The following TIMM10B variants were observed in gnomAD, a reference collection of about 807,000 sequenced individuals.
The protein encoded by TIMM10B is mitochondrial import inner membrane translocase subunit Tim10 B.
Under a neutral mutation model 12.6 loss-of-function variants are expected in TIMM10B, and 17 were observed. The ratio of observed to expected loss-of-function variants is 1.35; its 90% CI spans 0.92 to 2.03. TIMM10B has a LOEUF of 2.03. TIMM10B is among the 30% of genes most tolerant of loss of function. The pLI is 0.00. For missense variants in TIMM10B, 165 were observed against 133.3 expected (o/e 1.24, Z -1.17); for synonymous variants, 63 against 51.3 (o/e 1.23, Z -0.97).
Position 6,482,167 on chromosome 11 carries a change from G to C in TIMM10B, c.258G>C (p.Ser86=), listed in dbSNP as rs114080127. Residue 86 remains serine (S), a synonymous_variant, in exon 3 of 3, where the codon TCG becomes TCC. Transcript: ENST00000254616. ...GCATCGCAGACTACGAGGCTGCCTC[G>C]GCTGTGCCAGGCGTTGCTGCTGAAC... ...QRRIADYEAA[S]AVPGVAAEQP... The C allele has an allele frequency of 2.5e-4, 407 of 1,611,262 alleles. 2 individuals are homozygous for C. The East Asian group carries it at 6.0e-3, about 24-fold the overall frequency.
In TIMM10B at chr11:6,483,807, A is replaced by G. The variant is rs1373486496; in HGVS notation, c.*1586A>G. The G allele has an allele frequency of 6.6e-6, 1 of 152,240 alleles. No individual in the cohort carries two copies. The highest frequency in any genetic ancestry group is 1.5e-5 in the Non-Finnish European group (1 of 68,048). 9.4% of individuals were successfully genotyped at this position (152,240 alleles called of 1,614,324 possible). A position where few individuals can be genotyped will look rare whatever the true frequency, so the allele number is the denominator to read the frequency against. On this transcript the variant is annotated 3_prime_UTR_variant, in exon 3 of 3. Transcript: ENST00000254616. The stretch of plus-strand genomic sequence containing the variant: ...AAAGCAGATGTTCTATCCTATCTAC[A>G]GAGCAGAAAATTGAAATTCTCAAGT...
rs369514312 is a variant in TIMM10B at position 6,482,032 on chromosome 11, A to G, written c.136-13A>G. ...CACCTTTATCCTCCACTTAAACCCTATCTTCCTTCTAGGAGGCCTGTCTGC... is the reference window on the plus strand; with the variant it reads ...CACCTTTATCCTCCACTTAAACCCTGTCTTCCTTCTAGGAGGCCTGTCTGC... On this transcript the variant is annotated splice_polypyrimidine_tract_variant and intron_variant, in intron 2 of 2. Coordinates refer to ENST00000254616, the MANE Select transcript of TIMM10B (RefSeq NM_012192.4). The G allele has an allele frequency of 1.2e-4, 193 of 1,608,670 alleles. No individual in the cohort carries two copies. The highest frequency in any genetic ancestry group is 1.5e-4 in the Non-Finnish European group (175 of 1,175,912).
Position 6,483,357 on chromosome 11 carries a change from CG to C in TIMM10B, c.*1137del, listed in dbSNP as rs1478665326. 2 of 152,094 alleles carry C rather than the reference CG, an allele frequency of 1.3e-5. No homozygotes were observed. The highest frequency in any genetic ancestry group is 3.9e-4 in the East Asian group (2 of 5,188). The allele number at this position is 152,094 out of a possible 1,614,324, so 9.4% of individuals were successfully genotyped here. Reference sequence around the variant, plus strand: ...ATTCTTTTCTCATTATTGCCTCCCCCGCCCCCCAACTTTGTGTAATTTACTT... The same window carrying C: ...ATTCTTTTCTCATTATTGCCTCCCCCCCCCCCAACTTTGTGTAATTTACTT... On this transcript the variant is annotated 3_prime_UTR_variant, in exon 3 of 3. Transcript: ENST00000254616.
rs1564986564 is a variant in TIMM10B at position 6,481,557 on chromosome 11, T to A, written c.39+2T>A. ...CAGCAGCAACAGCAACTGCGAAACG[T>A]AAGTGAGAACTAAGTCGTTTCGAGG... On this transcript the variant is annotated splice_donor_variant, in intron 1 of 2. Transcript: ENST00000254616. LOFTEE classifies it high-confidence loss of function. 6.2e-7 allele frequency: 1 copy of A among 1,606,340 alleles called. No homozygotes were observed. The highest frequency in any genetic ancestry group is 8.5e-7 in the Non-Finnish European group (1 of 1,176,908).
In TIMM10B at chr11:6,482,396, T is replaced by G. The variant is rs1851829972; in HGVS notation, c.*175T>G. The G allele has an allele frequency of 8.2e-6, 5 of 608,270 alleles. No individual in the cohort carries two copies. Among genetic ancestry groups the G allele is most frequent in the African/African-American group, 3.7e-5 (2 of 54,342 alleles). 37.7% of individuals were successfully genotyped at this position (608,270 alleles called of 1,614,324 possible). ...CAGTTTTTACTCAGTTTGATTTATA[T>G]TCTGGGCAAGGAAGCTTTGCCTACT... On this transcript the variant is annotated 3_prime_UTR_variant, in exon 3 of 3. Coordinates refer to ENST00000254616, the MANE Select transcript of TIMM10B (RefSeq NM_012192.4).
intron 1 of TIMM10B, 68 bp from the exon 2 acceptor site, chr11:6,481,689 G>C: frequency 1.2e-6 from 2 of 1,606,256 alleles, no homozygotes; most frequent in Non-Finnish European, 1.7e-6. Flanking sequence ...GGAAACTTTG[G>C]GCGGCGCGAC....
rs1389334407 is a variant in TIMM10B, at chr11:6,481,866, T to C, written c.135+14T>C. On this transcript the variant is annotated intron_variant, in intron 2 of 2. Coordinates refer to ENST00000254616, the MANE Select transcript of TIMM10B (RefSeq NM_012192.4). ...GACGCTGAGGAGGTGGGGAACTGTG[T>C]AGGGAGGTTACGCTGCAAGAAGAGT... 1.9e-6 allele frequency: 3 copies of C among 1,613,300 alleles called. No homozygotes were observed. Among genetic ancestry groups the C allele is most frequent in the Non-Finnish European group, 2.5e-6 (3 of 1,179,940 alleles).
chr11:6,481,547 C>T lies in TIMM10B; in HGVS notation c.31C>T (p.Leu11=), dbSNP rs1851774569. MERQQQQQQQ[L]RNLRDFLLVY... ...GCGGCAGCAGCAGCAGCAACAGCAA[C>T]TGCGAAACGTAAGTGAGAACTAAGT... The change falls in exon 1 of 3, where the codon CTG becomes TTG. Residue 11 remains leucine, a synonymous_variant. Transcript: ENST00000254616. The T allele has an allele frequency of 6.2e-7, 1 of 1,610,422 alleles. No homozygotes were observed. Among genetic ancestry groups the T allele is most frequent in the African/African-American group, 1.3e-5 (1 of 74,902 alleles).
rs775954806 is a variant in TIMM10B at position 6,481,511 on chromosome 11, G to A, written c.-6G>A. 1.9e-6 allele frequency: 3 copies of A among 1,613,108 alleles called. No individual in the cohort carries two copies. Among genetic ancestry groups the A allele is most frequent in the Admixed American group, 1.7e-5 (1 of 59,964 alleles). On this transcript the variant is annotated 5_prime_UTR_variant, in exon 1 of 3. It introduces an in-frame stop codon into an upstream open reading frame of the 5' UTR. Transcript: ENST00000254616. Reference sequence around the variant, plus strand: ...GAAGTGGCGTACGGCATGCGCCGGTGGCGTGATGGAGCGGCAGCAGCAGCA... The same window carrying A: ...GAAGTGGCGTACGGCATGCGCCGGTAGCGTGATGGAGCGGCAGCAGCAGCA...
Position 6,481,825 on chromosome 11 carries a change from G to C in TIMM10B, c.108G>C (p.Leu36Phe), listed in dbSNP as rs755181586. ...ELCFQRCVPS[L>F]HHRALDAEEE... The stretch of plus-strand genomic sequence containing the variant: ...GCTTCCAGCGCTGTGTGCCCAGCTT[G>C]CACCACCGAGCTCTGGACGCTGAGG... The change falls in exon 2 of 3, where the codon TTG (leucine) becomes TTC (phenylalanine). Residue 36 changes from leucine to phenylalanine, a missense_variant. Physicochemically the swap from Leu to Phe is conservative, Grantham distance 22. Transcript: ENST00000254616. 3.7e-6 allele frequency: 6 copies of C among 1,613,682 alleles called. No homozygotes were observed. In the Admixed American group the frequency reaches 5.0e-5, roughly 13 times the overall value.
chr11:6,482,099 A>G lies in TIMM10B; in HGVS notation c.190A>G (p.Met64Val). The G allele has an allele frequency of 6.2e-7, 1 of 1,614,040 alleles. No homozygotes were observed. The highest frequency in any genetic ancestry group is 1.3e-5 in the African/African-American group (1 of 75,074). ...GKLIHSNHRLMAAYVQLMPAL... is the reference protein window; with the variant it reads ...GKLIHSNHRLVAAYVQLMPAL... Reference sequence around the variant, plus strand: ...GCTGATCCATTCCAACCACCGCCTCATGGCCGCTTACGTGCAGCTCATGCC... The same window carrying G: ...GCTGATCCATTCCAACCACCGCCTCGTGGCCGCTTACGTGCAGCTCATGCC... The change falls in exon 3 of 3, where the codon ATG becomes GTG. Residue 64 changes from methionine to valine, a missense_variant. Met to Val is a conservative substitution (Grantham distance 21). Transcript: ENST00000254616.
chr11:6,481,845 C>T lies in TIMM10B; in HGVS notation c.128C>T (p.Ala43Val), dbSNP rs749810492. ...VPSLHHRALD[A>V]EEEACLHSCA... The stretch of plus-strand genomic sequence containing the variant: ...AGCTTGCACCACCGAGCTCTGGACG[C>T]TGAGGAGGTGGGGAACTGTGTAGGG... The change falls in exon 2 of 3, where the codon GCT becomes GTT. Residue 43 changes from alanine (A) to valine (V), a missense_variant. Ala to Val is a moderately conservative substitution (Grantham distance 64). Coordinates refer to ENST00000254616, the MANE Select transcript of TIMM10B (RefSeq NM_012192.4). 5 of 1,613,734 alleles carry T rather than the reference C, an allele frequency of 3.1e-6. No homozygotes were observed. In the African/African-American group the frequency reaches 6.7e-5, roughly 22 times the overall value.
chr11:6,481,923 C>T, intron 2 of TIMM10B, 71 bp downstream of exon 2: 2 of 1,603,574 alleles, frequency 1.2e-6, no homozygotes, highest in Non-Finnish European at 1.7e-6. Flanking sequence ...CCTCACCCCA[C>T]TTCCCGTACC....
rs1489938769 is a variant in TIMM10B at position 6,483,025 on chromosome 11, G to A, written c.*804G>A. On this transcript the variant is annotated 3_prime_UTR_variant, in exon 3 of 3. Coordinates refer to ENST00000254616, the MANE Select transcript of TIMM10B (RefSeq NM_012192.4). ...GGTTGTTACTTTCTTAGTATGTACAGTCTTCTCAGGATGAGCAGTAAAACC... is the reference window on the plus strand; with the variant it reads ...GGTTGTTACTTTCTTAGTATGTACAATCTTCTCAGGATGAGCAGTAAAACC... The A allele has an allele frequency of 6.6e-6, 1 of 152,194 alleles. No homozygotes were observed. Among genetic ancestry groups the A allele is most frequent in the Non-Finnish European group, 1.5e-5 (1 of 68,054 alleles). The allele number at this position is 152,194 out of a possible 1,614,324, so 9.4% of individuals were successfully genotyped here.
chr11:6,483,054 G>A lies in TIMM10B; in HGVS notation c.*833G>A, dbSNP rs1851861551. The A allele has an allele frequency of 6.6e-6, 1 of 152,158 alleles. No homozygotes were observed. Among genetic ancestry groups the A allele is most frequent in the South Asian group, 2.1e-4 (1 of 4,824 alleles). The allele number at this position is 152,158 out of a possible 1,614,324, so 9.4% of individuals were successfully genotyped here. Reference sequence around the variant, plus strand: ...TCTCAGGATGAGCAGTAAAACCTTTGAACAAAGGTCTGTGTGGTTGTCTTC... The same window carrying A: ...TCTCAGGATGAGCAGTAAAACCTTTAAACAAAGGTCTGTGTGGTTGTCTTC... On this transcript the variant is annotated 3_prime_UTR_variant, in exon 3 of 3. Coordinates refer to ENST00000254616, the MANE Select transcript of TIMM10B (RefSeq NM_012192.4).
Position 6,482,205 on chromosome 11 carries a change from C to T in TIMM10B, c.296C>T (p.Ser99Phe), listed in dbSNP as rs757357862. Residue 99 changes from serine (S) to phenylalanine (F), a missense_variant, in exon 3 of 3, where the codon TCT (serine) becomes TTT (phenylalanine). Physicochemically the swap from Ser to Phe is radical, Grantham distance 155 (BLOSUM62 -2). Coordinates refer to ENST00000254616, the MANE Select transcript of TIMM10B (RefSeq NM_012192.4). ...PGVAAEQPGV[S>F]PSGS ...GTTGCTGCTGAACAGCCTGGGGTCT[C>T]TCCATCAGGCAGCTAGCCATACCCA... 66 of 1,606,582 alleles carry T rather than the reference C, an allele frequency of 4.1e-5. No individual in the cohort carries two copies. The East Asian group carries it at 1.4e-3, about 35-fold the overall frequency.
At position 6,482,095 on chromosome 11, in the gene TIMM10B, C is replaced by G. The variant is rs1309424300; in HGVS notation, c.186C>G (p.Arg62=). ...GGAAGCTGATCCATTCCAACCACCGCCTCATGGCCGCTTACGTGCAGCTCA... is the reference window on the plus strand; with the variant it reads ...GGAAGCTGATCCATTCCAACCACCGGCTCATGGCCGCTTACGTGCAGCTCA... ...CAGKLIHSNH[R]LMAAYVQLMP... The change falls in exon 3 of 3, where the codon CGC becomes CGG. Residue 62 remains arginine, a synonymous_variant. Coordinates refer to ENST00000254616, the MANE Select transcript of TIMM10B (RefSeq NM_012192.4). The G allele has an allele frequency of 6.2e-7, 1 of 1,613,948 alleles. No homozygotes were observed. The highest frequency in any genetic ancestry group is 1.3e-5 in the African/African-American group (1 of 74,946).
Position 6,482,028 on chromosome 11 carries a change from C to G in TIMM10B, c.136-17C>G, listed in dbSNP as rs778135307. On this transcript the variant is annotated splice_polypyrimidine_tract_variant and intron_variant, in intron 2 of 2. Transcript: ENST00000254616. ...AGGGCACCTTTATCCTCCACTTAAA[C>G]CCTATCTTCCTTCTAGGAGGCCTGT... 1 of 1,607,982 alleles carries G rather than the reference C, an allele frequency of 6.2e-7. No individual in the cohort carries two copies. Among genetic ancestry groups the G allele is most frequent in the Non-Finnish European group, 8.5e-7 (1 of 1,175,272 alleles).
intron 2 of TIMM10B, 69 bp downstream of exon 2, chr11:6,481,921 C>G: frequency 6.2e-7 from 1 of 1,604,486 alleles, no homozygotes; most frequent in Non-Finnish European, 8.5e-7. Context: ...CTCCTCACCC[C>G]ACTTCCCGTA....
Sources: gnomAD v4.1 joint callset for allele counts on GRCh38, gnomAD v4.1.1 for gene constraint, MANE v1.5 for transcripts, NCBI Gene and HGNC (gene_info 2026-07-23, HGNC 2026-07-21) for gene names.